Variants in CFAP53 observed in about 807,000 individuals in gnomAD.
The protein encoded by CFAP53 is cilia and flagella associated protein 53.
A neutral mutation model predicts 59.7 loss-of-function variants in CFAP53; 62 were observed. The ratio of observed to expected loss-of-function variants is 1.04; its 90% confidence interval spans 0.85 to 1.28. CFAP53 has a LOEUF of 1.28. Ranked by LOEUF, CFAP53 falls within the 50% of genes most tolerant of loss-of-function variation. The pLI is 0.00. For synonymous variants in CFAP53, 218 were observed against 205.7 expected, an observed-to-expected ratio of 1.06 and a Z score of -0.51; for missense variants, 629 against 615.6, an observed-to-expected ratio of 1.02 and a Z score of -0.23.
chr18:50,236,948 G>A (rs1269736132), intron 7 of CFAP53, among the ~76,000 whole-genome samples: 4 of 152,014 alleles, frequency 2.6e-5, no homozygotes, highest in Admixed American at 6.6e-5. Context: ...CAATTCAGAA[G>A]TTTAGCAGGG....
At chr18:50,263,775 TCAGGACAGGAAACAGGGC>T (rs2033914823) in intron 1 of CFAP53, among the ~76,000 whole-genome samples, 2 of 152,136 alleles carry the variant, frequency 1.3e-5, no homozygotes, top group Non-Finnish European at 2.9e-5. Flanking sequence ...GCTCCAGTTG[TCAGGACAGGAAACAGGGC>T]TGAGGGATAT....
Position 50,238,748 on chromosome 18 carries a change from CAAG to C in CFAP53, c.1214-46_1214-44del, listed in dbSNP as rs764008012. 4.9e-6 allele frequency: 7 copies of C among 1,426,428 alleles called. No homozygotes were observed. The African/African-American group carries it at 8.4e-5, about 17-fold the overall frequency. The allele number at this position is 1,426,428 out of a possible 1,614,324, so 88.4% of individuals were successfully genotyped here. A position where few individuals can be genotyped will look rare whatever the true frequency, so the allele number is the denominator to read the frequency against. On this transcript the variant is annotated intron_variant, in intron 6 of 7. Coordinates refer to ENST00000398545, the MANE Select transcript of CFAP53 (RefSeq NM_145020.5). ...AATTATATGTCAAATGACTTTCAGA[CAAG>C]AATTGCCAACATCTTTCTGGGCACC...
At chr18:50,243,960 A>G (rs1599120669) in intron 5 of CFAP53, among the ~76,000 whole-genome samples, 2 of 152,062 alleles carry the variant, frequency 1.3e-5, no homozygotes, top group East Asian at 3.9e-4. Context: ...TCAAAAAAAA[A>G]AAAACAAAAA....
chr18:50,246,908 C>T (rs1347435658), intron 5 of CFAP53, among the ~76,000 whole-genome samples: 7 of 151,950 alleles, frequency 4.6e-5, no homozygotes, highest in African/African-American at 9.7e-5. Context: ...ATTAGCCAGG[C>T]GTGGTGGCAG....
rs144429071 is a variant in CFAP53, at chr18:50,252,320, G to A, written c.474-536C>T. Among the ~76,000 whole-genome samples, 37 of 152,178 alleles carry A rather than the reference G, an allele frequency of 2.4e-4. No individual in the cohort carries two copies. The East Asian group carries it at 4.6e-3, about 19-fold the overall frequency. On this transcript the variant is annotated intron_variant, in intron 3 of 7. Transcript: ENST00000398545. Reference sequence around the variant, plus strand: ...GGGGTTTCACCGTGTTAGCCAGGATGGTCTTGATCTCCTGATCTTGTGATC... The same window carrying A: ...GGGGTTTCACCGTGTTAGCCAGGATAGTCTTGATCTCCTGATCTTGTGATC...
chr18:50,232,076 CAGT>C (rs2033588949), intron 7 of CFAP53, among the ~76,000 whole-genome samples: 1 of 152,184 alleles, frequency 6.6e-6, no homozygotes, highest in Non-Finnish European at 1.5e-5. Context: ...CCAAGTTCCT[CAGT>C]AGACCTAAGT....
At position 50,227,210 on chromosome 18, in the gene CFAP53, G is replaced by A; in HGVS notation, c.*171C>T. On this transcript the variant is annotated 3_prime_UTR_variant, in exon 8 of 8. Transcript: ENST00000398545. ...GTAGATCATTTGGATTTGTAAGTCT[G>A]TGAACTCCAAAATAGGCACAGGTTT... The A allele has an allele frequency of 3.4e-6, 2 of 585,092 alleles. No homozygotes were observed. Among genetic ancestry groups the A allele is most frequent in the Admixed American group, 3.0e-5 (1 of 32,798 alleles). 36.2% of individuals were successfully genotyped at this position (585,092 alleles called of 1,614,324 possible).
intron 1 of CFAP53, among the ~76,000 whole-genome samples, chr18:50,262,729 T>C (rs2033906720): frequency 6.6e-6 from 1 of 152,184 alleles, no homozygotes; most frequent in Admixed American, 6.5e-5. Context: ...TGTGTGTATA[T>C]ACATGTATAT....
At chr18:50,230,851 A>G (rs1419654945) in intron 7 of CFAP53, among the ~76,000 whole-genome samples, 1 of 152,224 alleles carries the variant, frequency 6.6e-6, no homozygotes, top group Admixed American at 6.5e-5. Context: ...ATAGAATTTT[A>G]TCAGAAATAA....
At chr18:50,257,518 A>T (rs2033856644) in intron 3 of CFAP53, among the ~76,000 whole-genome samples, 1 of 152,246 alleles carries the variant, frequency 6.6e-6, no homozygotes, top group Admixed American at 6.5e-5. Context: ...TCCCATTTAC[A>T]ATAGCCATAA....
intron 1 of CFAP53, among the ~76,000 whole-genome samples, chr18:50,264,497 C>A (rs905204809): frequency 6.6e-6 from 1 of 152,208 alleles, no homozygotes; most frequent in Admixed American, 6.5e-5. Flanking sequence ...CTAGGAGACA[C>A]TCATCAAATA....
intron 7 of CFAP53, among the ~76,000 whole-genome samples, chr18:50,231,813 G>C (rs1189903088): frequency 6.6e-6 from 1 of 152,134 alleles, no homozygotes; most frequent in East Asian, 1.9e-4. Context: ...GGGTGACTCA[G>C]ACACTCTTTC....
chr18:50,261,763 T>C (rs1456899729), intron 2 of CFAP53, among the ~76,000 whole-genome samples: 1 of 152,122 alleles, frequency 6.6e-6, no homozygotes, highest in African/African-American at 2.4e-5. Context: ...AAGAGTAAAA[T>C]GAACAGGTTT....
chr18:50,232,593 G>GA (rs1240420926), intron 7 of CFAP53, among the ~76,000 whole-genome samples: 5 of 152,204 alleles, frequency 3.3e-5, no homozygotes, highest in African/African-American at 1.2e-4. Context: ...TCAGCCACTG[G>GA]AAAAAAGACT....
At chr18:50,263,020 T>C (rs1054631373) in intron 1 of CFAP53, among the ~76,000 whole-genome samples, 1 of 152,248 alleles carries the variant, frequency 6.6e-6, no homozygotes, top group African/African-American at 2.4e-5. Context: ...CATTTGAATA[T>C]ATATAGATAC....
chr18:50,245,888 G>C (rs1040889841), intron 5 of CFAP53, among the ~76,000 whole-genome samples: 1 of 151,918 alleles, frequency 6.6e-6, no homozygotes, highest in African/African-American at 2.4e-5. Flanking sequence ...TTTCACTCTG[G>C]TTGTCCAGGT....
At chr18:50,266,310 G>A (rs2089846227) in intron 1 of CFAP53, 26 bp downstream of exon 1, 1 of 1,610,812 alleles carries the variant, frequency 6.2e-7, no homozygotes, top group Non-Finnish European at 8.5e-7. Flanking sequence ...AAGCTGTAGG[G>A]TCTGGCAGAC....
chr18:50,245,405 A>C (rs1356794176), intron 5 of CFAP53, among the ~76,000 whole-genome samples: 1 of 151,794 alleles, frequency 6.6e-6, no homozygotes, highest in Non-Finnish European at 1.5e-5. Context: ...AAAAAAAAAA[A>C]AAAACTAATA....
chr18:50,262,215 G>T lies in CFAP53; in HGVS notation c.74C>A (p.Ser25Tyr). 6.2e-7 allele frequency: 1 copy of T among 1,611,490 alleles called. No individual in the cohort carries two copies. Among genetic ancestry groups the T allele is most frequent in the Middle Eastern group, 1.7e-4 (1 of 6,058 alleles). The change falls in exon 2 of 8, where the codon TCC (serine) becomes TAC (tyrosine). Residue 25 changes from serine to tyrosine, a missense_variant. Transcript: ENST00000398545. ...GPTPKVVIVR[S>Y]KPPKGQGAEH... Reference sequence around the variant, plus strand: ...AGCTCCTTGGCCTTTAGGAGGCTTGGATCTCTGAAAACAAAAACCAACTAT... The same window carrying T: ...AGCTCCTTGGCCTTTAGGAGGCTTGTATCTCTGAAAACAAAAACCAACTAT...
Sources: gnomAD v4.1 joint callset for allele counts (sites outside exome capture counted in the v4.1 genomes callset) on GRCh38, gnomAD v4.1.1 for gene constraint, MANE v1.5 for transcripts, NCBI Gene and HGNC (gene_info 2026-07-23, HGNC 2026-07-21) for gene names.